The following RB1 variants were observed in gnomAD, a reference collection of about 807,000 sequenced individuals.
RB1 encodes the protein RB transcriptional corepressor 1.
A neutral mutation model predicts 135.4 loss-of-function variants in RB1; 18 were observed. The ratio of observed to expected loss-of-function variants is 0.13; its 90% CI spans 0.09 to 0.20. The LOEUF (loss-of-function observed/expected upper bound fraction) is 0.20, where lower values mean the gene tolerates loss of function less well. Ranked by LOEUF, RB1 falls within the 10% of genes least tolerant of loss-of-function variation. The probability of loss-of-function intolerance (pLI) is 1.00; values close to 1 mark genes in which losing one functional copy is unlikely to be tolerated. For synonymous variants in RB1, 365 were observed against 373.2 expected, an observed-to-expected ratio of 0.98 and a Z score of 0.25; for missense variants, 868 against 1,110.0, an observed-to-expected ratio of 0.78 and a Z score of 3.10.
At chr13:48,442,858 T>C (rs1949251295) in intron 17 of RB1, among the ~76,000 whole-genome samples, 1 of 152,166 alleles carries the variant, frequency 6.6e-6, no homozygotes, top group African/African-American at 2.4e-5. Flanking sequence ...TTTTACATAT[T>C]GCACTTTTCA....
Position 48,303,982 on chromosome 13 carries a change from C to T in RB1, c.70C>T (p.Pro24Ser), listed in dbSNP as rs1952053688. ...AAAAAEPPAP[P>S]PPPPPEEDPE... is the part of the protein sequence containing the mutation. Reference sequence around the variant, plus strand: ...TGCCGCCGCGGAACCCCCGGCACCGCCGCCGCCGCCCCCTCCTGAGGAGGA... The same window carrying T: ...TGCCGCCGCGGAACCCCCGGCACCGTCGCCGCCGCCCCCTCCTGAGGAGGA... The change falls in exon 1 of 27, where the codon CCG becomes TCG. Residue 24 changes from proline to serine, a missense_variant. Physicochemically the swap from Pro to Ser is moderately conservative, Grantham distance 74. Transcript: ENST00000267163. 3 of 1,499,326 alleles carry T rather than the reference C, an allele frequency of 2.0e-6. No individual in the cohort carries two copies. The highest frequency in any genetic ancestry group is 2.9e-5 in the African/African-American group (2 of 68,664). 92.9% of individuals were successfully genotyped at this position (1,499,326 alleles called of 1,614,324 possible).
intron 17 of RB1, chr13:48,416,612 T>A (rs1425713702): frequency 6.6e-6 from 1 of 152,338 alleles, no homozygotes; most frequent in Non-Finnish European, 1.5e-5. Flanking sequence ...GAACAGGGGC[T>A]GAAGCCAGGG....
intron 26 of RB1, among the ~76,000 whole-genome samples, chr13:48,478,194 A>G (rs1949515715): frequency 6.6e-6 from 1 of 152,246 alleles, no homozygotes; most frequent in Non-Finnish European, 1.5e-5. Context: ...GTCACAGGAC[A>G]CACTAATGAG....
At chr13:48,317,082 C>T in intron 2 of RB1, 2 of 861,410 alleles carry the variant, frequency 2.3e-6, no homozygotes, top group Non-Finnish European at 3.2e-6. Context: ...TGGCCAGGGC[C>T]CGCCGTCCTT....
chr13:48,323,761 G>A (rs1357261073), intron 2 of RB1, among the ~76,000 whole-genome samples: 1 of 152,054 alleles, frequency 6.6e-6, no homozygotes, highest in East Asian at 1.9e-4. Flanking sequence ...GAGGAACCAT[G>A]GAAGAAATCT....
chr13:48,336,874 A>G (rs777031175), intron 2 of RB1, among the ~76,000 whole-genome samples: 1 of 152,136 alleles, frequency 6.6e-6, no homozygotes, highest in African/African-American at 2.4e-5. Context: ...AGATTCTGGT[A>G]TGTTGTGTCT....
Position 48,459,884 on chromosome 13 carries a change from T to C in RB1, c.2106+51T>C. 6.0e-6 allele frequency: 7 copies of C among 1,170,820 alleles called. 1 individual carries two copies. Among genetic ancestry groups the C allele is most frequent in the East Asian group, 2.7e-5 (1 of 37,330 alleles). The allele number at this position is 1,170,820 out of a possible 1,614,324, so 72.5% of individuals were successfully genotyped here. A position where few individuals can be genotyped will look rare whatever the true frequency, so the allele number is the denominator to read the frequency against. On this transcript the variant is annotated intron_variant, in intron 20 of 26. Transcript: ENST00000267163. The stretch of plus-strand genomic sequence containing the variant: ...CTCTCCTCCCTACTTACTTGTTAAC[T>C]GATTCTTTCTTTCTTTCTTTCTTTC...
intron 2 of RB1, chr13:48,328,471 G>C (rs1320201464): frequency 3.3e-6 from 3 of 904,428 alleles, no homozygotes; most frequent in African/African-American, 1.6e-5. Flanking sequence ...GCTTCTCAGC[G>C]CTGCGGCTGG....
intron 17 of RB1, among the ~76,000 whole-genome samples, chr13:48,393,586 C>T (rs888854833): frequency 6.6e-5 from 10 of 152,164 alleles, no homozygotes; most frequent in South Asian, 2.1e-4. Flanking sequence ...GGTTACTAAA[C>T]GTAAGGCTTA....
At chr13:48,367,118 CAAAAAA>C (rs34822911) in intron 9 of RB1, among the ~76,000 whole-genome samples, 1 of 102,358 alleles carries the variant, frequency 9.8e-6, no homozygotes, top group Non-Finnish European at 1.8e-5. Context: ...AACTCCATCT[CAAAAAA>C]AAAAAAAAAA....
intron 17 of RB1, among the ~76,000 whole-genome samples, chr13:48,433,673 CA>C (rs1382018081): frequency 9.9e-6 from 1 of 101,338 alleles, no homozygotes; most frequent in Non-Finnish European, 2.0e-5. Flanking sequence ...TTACTGTTAA[CA>C]AAAATGCATT....
At chr13:48,359,436 TAAATA>T (rs575425206) in intron 6 of RB1, among the ~76,000 whole-genome samples, 1,884 of 149,350 alleles carry the variant, frequency 0.013, 41 homozygotes, top group African/African-American at 0.044. Context: ...CATAATTTTA[TAAATA>T]AAATAATTAT....
At chr13:48,412,273 C>G in intron 17 of RB1, 1 of 1,614,080 alleles carries the variant, frequency 6.2e-7, no homozygotes, top group East Asian at 2.2e-5. Context: ...GTTGTAGTTT[C>G]ATTTCGGACT....
intron 17 of RB1, chr13:48,429,283 C>A: frequency 6.6e-6 from 1 of 152,300 alleles, no homozygotes; most frequent in Non-Finnish European, 1.5e-5. Flanking sequence ...GGTGCAGTGA[C>A]ACATGCCTGT....
intron 2 of RB1, chr13:48,328,049 C>T (rs1443239894): frequency 6.7e-6 from 5 of 748,194 alleles, no homozygotes; most frequent in Non-Finnish European, 1.2e-5. Flanking sequence ...TAACTTTATA[C>T]CCACCCACAC....
At chr13:48,349,401 A>G (rs929643575) in intron 6 of RB1, among the ~76,000 whole-genome samples, 2 of 151,928 alleles carry the variant, frequency 1.3e-5, no homozygotes, top group Admixed American at 1.3e-4. Context: ...CATAATTGGG[A>G]TGCAGTTAAG....
intron 2 of RB1, among the ~76,000 whole-genome samples, chr13:48,330,350 CA>C (rs559106856): frequency 6.6e-6 from 1 of 151,052 alleles, no homozygotes; most frequent in Non-Finnish European, 1.5e-5. Context: ...ATGAAAGACT[CA>C]AAAAACAATA....
At chr13:48,314,726 G>T (rs977294004) in intron 2 of RB1, among the ~76,000 whole-genome samples, 10 of 152,082 alleles carry the variant, frequency 6.6e-5, no homozygotes, top group South Asian at 6.2e-4. Context: ...GCTTGAACCC[G>T]GGAGGCGGAG....
At chr13:48,375,096 T>G (rs1255686925) in intron 12 of RB1, among the ~76,000 whole-genome samples, 2 of 152,192 alleles carry the variant, frequency 1.3e-5, no homozygotes, top group African/African-American at 4.8e-5. Flanking sequence ...GTACCACATT[T>G]TCTTTATCCA....
Sources: allele counts gnomAD v4.1 joint callset (sites outside exome capture counted in the v4.1 genomes callset), GRCh38; gene constraint gnomAD v4.1.1; transcripts MANE v1.5; gene names NCBI Gene and HGNC (gene_info 2026-07-23, HGNC 2026-07-21).